Variants in IDE observed in about 807,000 individuals in gnomAD.
The protein encoded by IDE is insulin degrading enzyme.
Under a neutral mutation model 133.2 loss-of-function variants are expected in IDE, and 58 were observed. The observed-to-expected ratio is 0.44, with a 90% confidence interval of 0.35 to 0.54. The LOEUF (loss-of-function observed/expected upper bound fraction) is 0.54, where lower values mean the gene tolerates loss of function less well. IDE is among the 20% of genes least tolerant of loss of function. IDE has a pLI of 0.00. For synonymous variants in IDE, 396 were observed against 421.3 expected (o/e 0.94, Z 0.73); for missense variants, 981 against 1,234.0 (o/e 0.79, Z 3.07).
At chr10:92,518,413 C>T (rs1311767152) in intron 4 of IDE, among the ~76,000 whole-genome samples, 1 of 152,220 alleles carries the variant, frequency 6.6e-6, no homozygotes, top group Non-Finnish European at 1.5e-5. Flanking sequence ...AAGACTATTA[C>T]TTAACAAAAA....
intron 1 of IDE, among the ~76,000 whole-genome samples, chr10:92,549,507 A>G (rs1842684774): frequency 6.6e-6 from 1 of 152,122 alleles, no homozygotes; most frequent in African/African-American, 2.4e-5. Context: ...AGATTTACAT[A>G]AAGAGAGGAG....
In IDE at chr10:92,524,329, T is replaced by TATATATAATATATTTTATATAATATATA. The variant is rs1849405345; in HGVS notation, c.661+7418_661+7419insTATATATTATATAAAATATATTATATAT. 6.9e-5 allele frequency among the ~76,000 whole-genome samples: 4 copies of TATATATAATATATTTTATATAATATATA among 57,908 alleles called. 1 individual carries two copies. The highest frequency in any genetic ancestry group is 2.3e-4 in the African/African-American group (3 of 13,036). The allele number at this position is 57,908 out of a possible 152,430, so 38.0% of individuals were successfully genotyped here. A position where few individuals can be genotyped will look rare whatever the true frequency, so the allele number is the denominator to read the frequency against. On this transcript the variant is annotated intron_variant, in intron 4 of 24. Transcript: ENST00000265986. ...CAAAAAAATATATATAATATATTATTATATATATTATATTATATATAATAT... is the reference window on the plus strand; with the variant it reads ...CAAAAAAATATATATAATATATTATTATATATAATATATTTTATATAATATATAATATATATTATATTATATATAATAT...
intron 1 of IDE, among the ~76,000 whole-genome samples, chr10:92,569,282 G>C (rs1296693114): frequency 6.6e-6 from 1 of 152,212 alleles, no homozygotes; most frequent in African/African-American, 2.4e-5. Context: ...TTACATGCTG[G>C]GTCAAGAAGT....
Position 92,574,077 on chromosome 10 carries a change from C to T in IDE, c.-58G>A. On this transcript the variant is annotated 5_prime_UTR_variant, in exon 1 of 25. Transcript: ENST00000265986. ...GCTTCCTGCTTGCGCTTCGAGCCGGCCCTGCGCACTGCGCATGCTCTAGCC... is the reference window on the plus strand; with the variant it reads ...GCTTCCTGCTTGCGCTTCGAGCCGGTCCTGCGCACTGCGCATGCTCTAGCC... 2.2e-6 allele frequency: 3 copies of T among 1,353,384 alleles called. No homozygotes were observed. The highest frequency in any genetic ancestry group is 3.0e-6 in the Non-Finnish European group (3 of 1,006,844). 83.8% of individuals were successfully genotyped at this position (1,353,384 alleles called of 1,614,324 possible).
chr10:92,516,922 T>C (rs1491002319), intron 4 of IDE, among the ~76,000 whole-genome samples: 1 of 152,164 alleles, frequency 6.6e-6, no homozygotes, highest in East Asian at 1.9e-4. Flanking sequence ...ACCTTGCAAA[T>C]TAGGGACTGG....
At chr10:92,546,807 T>G (rs77890165) in intron 1 of IDE, among the ~76,000 whole-genome samples, 1,641 of 152,252 alleles carry the variant, frequency 0.011, 30 homozygotes, top group African/African-American at 0.038. Context: ...ACTTGACACT[T>G]CCAGTAACTA....
intron 9 of IDE, among the ~76,000 whole-genome samples, chr10:92,507,296 T>C (rs1448368886): frequency 1.3e-5 from 2 of 152,164 alleles, no homozygotes; most frequent in East Asian, 1.9e-4. Context: ...CTCAAGAAAC[T>C]GCTGATTTTC....
chr10:92,531,989 G>A, intron 3 of IDE, 72 bp from the exon 4 acceptor site: 4 of 1,102,452 alleles, frequency 3.6e-6, no homozygotes, highest in African/African-American at 1.6e-5. Flanking sequence ...AAAGATTTTT[G>A]GAACTTATTA....
At chr10:92,496,295 C>T (rs1308554700) in intron 11 of IDE, among the ~76,000 whole-genome samples, 2 of 152,176 alleles carry the variant, frequency 1.3e-5, no homozygotes, top group Non-Finnish European at 2.9e-5. Context: ...AATATAGTTC[C>T]TATTTGGAAA....
chr10:92,511,864 G>T (rs2135556447), intron 5 of IDE, among the ~76,000 whole-genome samples: 1 of 152,230 alleles, frequency 6.6e-6, no homozygotes, highest in Non-Finnish European at 1.5e-5. Context: ...AACAAGGTGA[G>T]CAGTCAATAA....
chr10:92,470,476 TA>T (rs2135373323), intron 17 of IDE, 131 bp from the exon 18 acceptor site: 1 of 467,612 alleles, frequency 2.1e-6, no homozygotes, highest in South Asian at 5.5e-5. Flanking sequence ...TAGTTTTCCC[TA>T]ATGTTAACAT....
At position 92,574,053 on chromosome 10, in the gene IDE, C is replaced by A; in HGVS notation, c.-34G>T. The stretch of plus-strand genomic sequence containing the variant: ...GCAGTCGCCGGGATCACCGCAAACG[C>A]TTCCTGCTTGCGCTTCGAGCCGGCC... On this transcript the variant is annotated 5_prime_UTR_variant, in exon 1 of 25. Coordinates refer to ENST00000265986, the MANE Select transcript of IDE (RefSeq NM_004969.4). The A allele has an allele frequency of 6.8e-7, 1 of 1,470,572 alleles. No individual in the cohort carries two copies. Among genetic ancestry groups the A allele is most frequent in the Non-Finnish European group, 9.1e-7 (1 of 1,101,570 alleles). The allele number at this position is 1,470,572 out of a possible 1,614,324, so 91.1% of individuals were successfully genotyped here.
chr10:92,542,759 A>G (rs1391105747), intron 1 of IDE, among the ~76,000 whole-genome samples: 1 of 152,206 alleles, frequency 6.6e-6, no homozygotes, highest in African/African-American at 2.4e-5. Context: ...AAGCATGAGG[A>G]ATACAGTGGA....
intron 11 of IDE, among the ~76,000 whole-genome samples, chr10:92,496,525 C>T (rs999006983): frequency 6.6e-6 from 1 of 152,140 alleles, no homozygotes; most frequent in African/African-American, 2.4e-5. Context: ...GTGGCTCATG[C>T]CTGTAATCTC....
intron 1 of IDE, among the ~76,000 whole-genome samples, chr10:92,565,205 C>T (rs1237529436): frequency 6.7e-6 from 1 of 148,690 alleles, no homozygotes. Context: ...GATCTCGCCA[C>T]TGCACTCCAG....
intron 7 of IDE, 63 bp downstream of exon 7, chr10:92,508,665 A>G (rs1848431565): frequency 6.7e-7 from 1 of 1,483,020 alleles, no homozygotes; most frequent in Middle Eastern, 1.7e-4. Context: ...TATTCAGGAG[A>G]AAATGAGAGC....
intron 17 of IDE, among the ~76,000 whole-genome samples, chr10:92,472,642 C>CTTTT (rs35959170): frequency 2.4e-5 from 3 of 125,930 alleles, no homozygotes; most frequent in Non-Finnish European, 3.4e-5. Flanking sequence ...CAACAGAATT[C>CTTTT]TTTTTTTTTT....
chr10:92,498,828 G>A (rs866934680), intron 11 of IDE, among the ~76,000 whole-genome samples: 9 of 152,026 alleles, frequency 5.9e-5, no homozygotes, highest in Middle Eastern at 3.2e-3. Flanking sequence ...GGAGGCTGAG[G>A]CAAGAAAATT....
chr10:92,504,627 C>T (rs918663443), intron 11 of IDE, among the ~76,000 whole-genome samples, 167 bp downstream of exon 11: 1 of 152,064 alleles, frequency 6.6e-6, no homozygotes, highest in African/African-American at 2.4e-5. Flanking sequence ...AAAGACTGGC[C>T]ATGTATCAAT....
Sources: allele counts gnomAD v4.1 joint callset (sites outside exome capture counted in the v4.1 genomes callset), GRCh38; gene constraint gnomAD v4.1.1; transcripts MANE v1.5; gene names NCBI Gene and HGNC (gene_info 2026-07-23, HGNC 2026-07-21).